RLIM: variants seen among roughly 807,000 people sequenced by gnomAD.
RLIM encodes the protein E3 ubiquitin-protein ligase RLIM.
Under a neutral mutation model 34.0 loss-of-function variants are expected in RLIM, and 2 were observed. That is an observed-to-expected ratio of 0.06 (90% CI 0.02 to 0.19). The LOEUF (loss-of-function observed/expected upper bound fraction) is 0.19. RLIM is among the 10% of genes least tolerant of loss of function. The pLI, the probability that RLIM is intolerant of heterozygous loss-of-function variation, is 1.00. For synonymous variants in RLIM, 169 were observed against 164.0 expected (o/e 1.03, Z -0.23); for missense variants, 286 against 479.7 (o/e 0.60, Z 3.77).
intron 1 of RLIM, among the ~76,000 whole-genome samples, chrX:74,609,066 G>C: frequency 8.9e-6 from 1 of 111,901 alleles, no homozygotes; most frequent in Admixed American, 9.6e-5. Context: ...ATGTGTTTAA[G>C]TTACTAAGGT....
At position 74,592,369 on chromosome X, in the gene RLIM, G is replaced by T; in HGVS notation, c.946C>A (p.Pro316Thr). The T allele has an allele frequency of 8.3e-7, 1 of 1,211,612 alleles. No individual in the cohort carries two copies. Among genetic ancestry groups the T allele is most frequent in the Non-Finnish European group, 1.1e-6 (1 of 895,504 alleles). ...TGAAGATCAAGGACTATGGTTGGAG[G>T]TCTCTGTCCTGATCCTGTAGATTCA... ...SGESTGSGQR[P>T]PTIVLDLQVR... The change falls in exon 4 of 4, where the codon CCT (proline) becomes ACT (threonine). Residue 316 changes from proline to threonine, a missense_variant. This residue lies in a region of RLIM where 121 missense variants were observed against 182.4 expected (regional missense o/e 0.66). Coordinates refer to ENST00000332687, the MANE Select transcript of RLIM (RefSeq NM_016120.4).
At chrX:74,600,018 G>A (rs1009906726) in intron 1 of RLIM, among the ~76,000 whole-genome samples, 1 of 109,277 alleles carries the variant, frequency 9.2e-6, no homozygotes, top group African/African-American at 3.3e-5. Context: ...TCTAGACAGA[G>A]GCATACCTAG....
intron 3 of RLIM, 125 bp downstream of exon 3, chrX:74,594,181 A>G: frequency 2.5e-6 from 1 of 404,357 alleles, no homozygotes; most frequent in Non-Finnish European, 4.1e-6. Context: ...TTTTCTTTTT[A>G]TGAGCAGTTA....
chrX:74,614,080 G>A (rs763880111), intron 1 of RLIM, among the ~76,000 whole-genome samples: 14 of 109,967 alleles, frequency 1.3e-4, no homozygotes, highest in Admixed American at 1.2e-3. Flanking sequence ...AGCCTGAGAC[G>A]TTCTAAGATT....
Position 74,598,430 on chromosome X carries a change from C to T in RLIM, c.-23-2430G>A, listed in dbSNP as rs981213420. 3.5e-4 allele frequency among the ~76,000 whole-genome samples: 38 copies of T among 109,705 alleles called. No homozygotes were observed. In the Admixed American group the frequency reaches 3.5e-3, roughly 10 times the overall value. On this transcript the variant is annotated intron_variant, in intron 1 of 3. Transcript: ENST00000332687. ...ATCACTTGAGCCCAGAAGTTCAAGA[C>T]GAGCTTGGGCAACATAGTGAGACCC...
rs1318784584 is a variant in RLIM at position 74,592,824 on chromosome X, C to G, written c.491G>C (p.Ser164Thr). ...NENEPSARRS[S>T]GENVENNSQR... ...GCTGTTGTTTTCCACATTTTCTCCA[C>G]TAGAACGTCTTGCAGATGGCTCATT... The change falls in exon 4 of 4, where the codon AGT becomes ACT. Residue 164 changes from serine to threonine, a missense_variant. By Grantham distance (58) the Ser-to-Thr change is moderately conservative. Transcript: ENST00000332687. 1.2e-5 allele frequency: 15 copies of G among 1,210,102 alleles called. No individual in the cohort carries two copies. The East Asian group carries it at 4.1e-4, about 33-fold the overall frequency.
chrX:74,602,391 G>A lies in RLIM; in HGVS notation c.-23-6391C>T, dbSNP rs1002559048. Reference sequence around the variant, plus strand: ...ACAAGTTGCTTTCATAGACCACGGTGTTCAAATAAAAGCAGGTAACAGCCC... The same window carrying A: ...ACAAGTTGCTTTCATAGACCACGGTATTCAAATAAAAGCAGGTAACAGCCC... On this transcript the variant is annotated intron_variant, in intron 1 of 3. Transcript: ENST00000332687. Among the ~76,000 whole-genome samples, 3 of 111,158 alleles carry A rather than the reference G, an allele frequency of 2.7e-5. No individual in the cohort carries two copies. In the Admixed American group the frequency reaches 2.9e-4, roughly 11 times the overall value.
Position 74,604,034 on chromosome X carries a change from G to C in RLIM, c.-23-8034C>G, listed in dbSNP as rs757175947. 4.6e-5 allele frequency among the ~76,000 whole-genome samples: 5 copies of C among 108,227 alleles called. No individual in the cohort carries two copies. The East Asian group carries it at 1.5e-3, about 32-fold the overall frequency. The allele number at this position is 108,227 out of a possible 115,157, so 94.0% of individuals were successfully genotyped here. A position where few individuals can be genotyped will look rare whatever the true frequency, so the allele number is the denominator to read the frequency against. On this transcript the variant is annotated intron_variant, in intron 1 of 3. Transcript: ENST00000332687. ...GGAGGTTGAGGCAGGAGAATTGCTT[G>C]AACCCAGGAGGCGGAGGTTGCAGTA...
Position 74,586,904 on chromosome X carries a change from G to A in RLIM, c.*4536C>T, listed in dbSNP as rs999922195. On this transcript the variant is annotated 3_prime_UTR_variant, in exon 4 of 4. Coordinates refer to ENST00000332687, the MANE Select transcript of RLIM (RefSeq NM_016120.4). ...AGCCCAGGAGTTCAAGAACAGCCTGGACAACATGGCGAAACCCCATCTCCA... is the reference window on the plus strand; with the variant it reads ...AGCCCAGGAGTTCAAGAACAGCCTGAACAACATGGCGAAACCCCATCTCCA... The A allele has an allele frequency of 2.7e-5, 3 of 111,007 alleles. No individual in the cohort carries two copies. The Admixed American group carries it at 2.9e-4, about 11-fold the overall frequency. The allele number at this position is 111,007 out of a possible 1,213,427, so 9.1% of individuals were successfully genotyped here.
chrX:74,610,185 G>C (rs754450626), intron 1 of RLIM, among the ~76,000 whole-genome samples: 20 of 112,198 alleles, frequency 1.8e-4, no homozygotes, highest in Non-Finnish European at 3.6e-4. Context: ...GGGAGGCCAA[G>C]GCGGGCGGAT....
In RLIM at chrX:74,586,335, TAC is replaced by T. The variant is rs1274244195; in HGVS notation, c.*5103_*5104del. 4 of 112,119 alleles carry T rather than the reference TAC, an allele frequency of 3.6e-5. No individual in the cohort carries two copies. The highest frequency in any genetic ancestry group is 1.3e-4 in the African/African-American group (4 of 30,836). 9.2% of individuals were successfully genotyped at this position (112,119 alleles called of 1,213,427 possible). A position where few individuals can be genotyped will look rare whatever the true frequency, so the allele number is the denominator to read the frequency against. On this transcript the variant is annotated 3_prime_UTR_variant, in exon 4 of 4. Transcript: ENST00000332687. ...AAATAATTCTGCAAGATGAGGAACTTACAGAGGAACCTTGAAAGAGGCACCAT... is the reference window on the plus strand; with the variant it reads ...AAATAATTCTGCAAGATGAGGAACTTAGAGGAACCTTGAAAGAGGCACCAT...
chrX:74,593,162 T>G, intron 3 of RLIM, 101 bp from the exon 4 acceptor site: 1 of 849,854 alleles, frequency 1.2e-6, no homozygotes, highest in South Asian at 3.7e-5. Flanking sequence ...ACTTAAAAAT[T>G]CGGAACACAT....
rs1189070293 is a variant in RLIM, at chrX:74,587,910, G to A, written c.*3530C>T. ...CTTAAGGTTTGGATGAATTCCAATC[G>A]TTTTTAAAAACTGTGTGTGTACACA... is the stretch of plus-strand genomic sequence containing the variant. On this transcript the variant is annotated 3_prime_UTR_variant, in exon 4 of 4. Coordinates refer to ENST00000332687, the MANE Select transcript of RLIM (RefSeq NM_016120.4). 8.9e-6 allele frequency: 1 copy of A among 111,943 alleles called. No individual in the cohort carries two copies. Among genetic ancestry groups the A allele is most frequent in the Admixed American group, 9.4e-5 (1 of 10,614 alleles). The allele number at this position is 111,943 out of a possible 1,213,427, so 9.2% of individuals were successfully genotyped here. A position where few individuals can be genotyped will look rare whatever the true frequency, so the allele number is the denominator to read the frequency against.
At chrX:74,608,462 T>C (rs892820957) in intron 1 of RLIM, among the ~76,000 whole-genome samples, 16 of 108,518 alleles carry the variant, frequency 1.5e-4, no homozygotes, top group African/African-American at 4.7e-4. Flanking sequence ...GCAGGGTTAA[T>C]GTCTCACTGA....
At chrX:74,607,750 CACAAAAAAA>C (rs752399945) in intron 1 of RLIM, among the ~76,000 whole-genome samples, 50 of 111,579 alleles carry the variant, frequency 4.5e-4, no homozygotes, top group Non-Finnish European at 8.3e-4. Context: ...AACACACACA[CACAAAAAAA>C]ACAAAAAAGA....
At chrX:74,595,360 G>T (rs2079635476) in intron 2 of RLIM, among the ~76,000 whole-genome samples, 6 of 111,911 alleles carry the variant, frequency 5.4e-5, no homozygotes. Flanking sequence ...GACTTAGTGG[G>T]GTAAAAGATA....
rs747653913 is a variant in RLIM at position 74,589,782 on chromosome X, A to G, written c.*1658T>C. The G allele has an allele frequency of 2.7e-5, 3 of 111,987 alleles. No individual in the cohort carries two copies. Among genetic ancestry groups the G allele is most frequent in the Non-Finnish European group, 3.8e-5 (2 of 53,211 alleles). The allele number at this position is 111,987 out of a possible 1,213,427, so 9.2% of individuals were successfully genotyped here. On this transcript the variant is annotated 3_prime_UTR_variant, in exon 4 of 4. Transcript: ENST00000332687. ...GTTAAAGCTTTTCCCAGAAGAACAAATATCTGCTCCATAGTCATTCTAATC... is the reference window on the plus strand; with the variant it reads ...GTTAAAGCTTTTCCCAGAAGAACAAGTATCTGCTCCATAGTCATTCTAATC...
At chrX:74,597,828 C>T (rs747322623) in intron 1 of RLIM, among the ~76,000 whole-genome samples, 26 of 111,865 alleles carry the variant, frequency 2.3e-4, no homozygotes, top group African/African-American at 6.8e-4. Flanking sequence ...TGCTCTACAA[C>T]ACAACATTTG....
At chrX:74,599,489 A>T (rs1024274037) in intron 1 of RLIM, among the ~76,000 whole-genome samples, 3 of 111,902 alleles carry the variant, frequency 2.7e-5, no homozygotes, top group African/African-American at 6.5e-5. Context: ...TCAAATTCAC[A>T]TGTTGAAATC....
Sources: gnomAD v4.1 joint callset for allele counts (sites outside exome capture counted in the v4.1 genomes callset) on GRCh38, gnomAD v4.1.1 for gene constraint, gnomAD v4.1.1 regional missense constraint, MANE v1.5 for transcripts, NCBI Gene and HGNC (gene_info 2026-07-23, HGNC 2026-07-21) for gene names.